Variants in GSE1 observed in about 807,000 individuals in gnomAD.
The protein encoded by GSE1 is Gse1 coiled-coil protein.
A neutral mutation model predicts 112.6 loss-of-function variants in GSE1; 32 were observed. The observed-to-expected ratio is 0.28, with a 90% CI of 0.21 to 0.38. The LOEUF is 0.38. Ranked by LOEUF, GSE1 falls within the 10% of genes least tolerant of loss-of-function variation. The probability of loss-of-function intolerance (pLI) is 1.00; values close to 1 mark genes in which losing one functional copy is unlikely to be tolerated. For synonymous variants in GSE1, 1,115 were observed against 735.6 expected, an observed-to-expected ratio of 1.52 and a Z score of -8.35; for missense variants, 2,348 against 1,699.2, an observed-to-expected ratio of 1.38 and a Z score of -6.71.
upstream of GSE1, among the ~76,000 whole-genome samples, chr16:85,610,322 G>A (rs1670128993): frequency 6.6e-6 from 1 of 152,234 alleles, no homozygotes; most frequent in Admixed American, 6.5e-5. Flanking sequence ...GTGGGAAGGA[G>A]GTCCAGGGAA....
chr16:85,660,824 G>T (rs1475859605), intron 8 of GSE1, among the ~76,000 whole-genome samples: 1 of 152,046 alleles, frequency 6.6e-6, no homozygotes, highest in African/African-American at 2.4e-5. Flanking sequence ...TAGAGATGGG[G>T]TTTCACCATG....
At position 85,654,334 on chromosome 16, in the gene GSE1, G is replaced by A. The variant is rs754377675; in HGVS notation, c.483G>A (p.Pro161=). 2.0e-5 allele frequency: 32 copies of A among 1,611,774 alleles called. No homozygotes were observed. Among genetic ancestry groups the A allele is most frequent in the East Asian group, 2.2e-5 (1 of 44,840 alleles). ...GGRERLIVEP[P]LPQEKAGGPA... ...GGGAACGCCTCATTGTGGAGCCCCC[G>A]CTCCCTCAGGAGAAGGCAGGGGGAC... Residue 161 remains proline (P), a synonymous_variant, in exon 4 of 16, where the codon CCG becomes CCA. Coordinates refer to ENST00000253458, the MANE Select transcript of GSE1 (RefSeq NM_014615.5).
chr16:85,266,899 C>G (rs1042966093), intron 1 of GSE1, among the ~76,000 whole-genome samples: 2 of 152,124 alleles, frequency 1.3e-5, no homozygotes, highest in Admixed American at 6.5e-5. Flanking sequence ...GTGCTCCTGC[C>G]CTCTCCCCCT....
chr16:85,299,529 G>A (rs1387642119), intron 1 of GSE1, among the ~76,000 whole-genome samples: 1 of 152,224 alleles, frequency 6.6e-6, no homozygotes, highest in Non-Finnish European at 1.5e-5. Flanking sequence ...GGCCTCCAGT[G>A]AACTTGTTCT....
rs113687671 is a variant in GSE1 at position 85,216,535 on chromosome 16, T to C, written c.2283+44728T>C. On this transcript the variant is annotated intron_variant, in intron 1 of 2. Transcript: ENST00000637419. ...GTAGTCATAAGAAATAGAAAAACTT[T>C]AGCTTACCACACGTGTCAGGAACAC... Among the ~76,000 whole-genome samples the C allele has an allele frequency of 6.4e-3, 980 of 152,344 alleles. 5 individuals are homozygous for C. The highest frequency in any genetic ancestry group is 0.022 in the African/African-American group (921 of 41,576).
intron 2 of GSE1, among the ~76,000 whole-genome samples, chr16:85,422,734 G>C (rs1477144219): frequency 6.6e-6 from 1 of 152,152 alleles, no homozygotes; most frequent in Non-Finnish European, 1.5e-5. Context: ...TTGGGGACTT[G>C]GGAGGCCGGA....
At chr16:85,602,188 G>A (rs999608990) in intron 1 of GSE1, among the ~76,000 whole-genome samples, 35 of 152,144 alleles carry the variant, frequency 2.3e-4, no homozygotes, top group South Asian at 6.2e-4. Context: ...CAGGACTGCT[G>A]CCAGGGCCGG....
At chr16:85,573,482 G>T (rs926791570) in intron 1 of GSE1, among the ~76,000 whole-genome samples, 3 of 152,210 alleles carry the variant, frequency 2.0e-5, no homozygotes, top group Non-Finnish European at 4.4e-5. Context: ...GCATGTATCT[G>T]TAGTGGGACT....
At chr16:85,461,798 A>G (rs2049975896) in intron 2 of GSE1, among the ~76,000 whole-genome samples, 3 of 151,820 alleles carry the variant, frequency 2.0e-5, no homozygotes, top group Admixed American at 2.0e-4. Flanking sequence ...CAGCTCCCCT[A>G]TTCCATCCCC....
intron 1 of GSE1, among the ~76,000 whole-genome samples, chr16:85,269,798 C>T (rs1487141812): frequency 1.3e-5 from 2 of 149,228 alleles, no homozygotes; most frequent in East Asian, 3.9e-4. Context: ...TCCCCTGGGG[C>T]AGCACCAGGC....
At chr16:85,491,719 G>C (rs537583217) in intron 2 of GSE1, among the ~76,000 whole-genome samples, 2 of 151,434 alleles carry the variant, frequency 1.3e-5, no homozygotes, top group Admixed American at 6.5e-5. Context: ...CTGGTACCCC[G>C]AGTCCTCCTG....
Position 85,665,038 on chromosome 16 carries a change from C to G in GSE1, c.2668C>G (p.Leu890Val), listed in dbSNP as rs1056113854. The G allele has an allele frequency of 6.2e-7, 1 of 1,609,448 alleles. No homozygotes were observed. The highest frequency in any genetic ancestry group is 8.5e-7 in the Non-Finnish European group (1 of 1,175,996). The change falls in exon 12 of 16, where the codon CTC (leucine) becomes GTC (valine). Residue 890 changes from leucine (L) to valine (V), a missense_variant. By Grantham distance (32) the Leu-to-Val change is conservative (BLOSUM62 1). Transcript: ENST00000253458. ...AGACAAAGAGAGACTTGTTGAAATG[C>G]TCCGTGCCATGAAGCAGAAGGCACT... The part of the protein sequence containing the change: ...RKDKERLVEM[L>V]RAMKQKALSA...
chr16:85,613,340 G>A lies in GSE1; in HGVS notation c.-52G>A. ...GATAAGCAGTTTAGACAAACACTGG[G>A]CGACGGTGGCTCCAGCATGTATCAG... On this transcript the variant is annotated 5_prime_UTR_variant, in exon 1 of 16. Coordinates refer to ENST00000253458, the MANE Select transcript of GSE1 (RefSeq NM_014615.5). 6.4e-7 allele frequency: 1 copy of A among 1,560,692 alleles called. No homozygotes were observed.
chr16:85,281,803 C>T (rs899716160), intron 1 of GSE1, among the ~76,000 whole-genome samples: 1 of 152,090 alleles, frequency 6.6e-6, no homozygotes, highest in Non-Finnish European at 1.5e-5. Context: ...TGCTTCCAAG[C>T]TTATCATTGC....
At chr16:85,637,985 A>C (rs532673942) in intron 2 of GSE1, among the ~76,000 whole-genome samples, 1 of 152,142 alleles carries the variant, frequency 6.6e-6, no homozygotes, top group Non-Finnish European at 1.5e-5. Context: ...GAGGTGGCAG[A>C]GCTGGCGCAC....
intron 2 of GSE1, among the ~76,000 whole-genome samples, chr16:85,472,143 C>G (rs1297676459): frequency 6.6e-6 from 1 of 152,166 alleles, no homozygotes; most frequent in African/African-American, 2.4e-5. Flanking sequence ...TCAGACCATC[C>G]AAATGTCCCT....
intron 1 of GSE1, among the ~76,000 whole-genome samples, chr16:85,307,145 T>TGGGGG (rs2045701555): frequency 8.0e-6 from 1 of 125,316 alleles, no homozygotes. Context: ...ATAGTGGGGG[T>TGGGGG]GGGGTGGGGT....
chr16:85,463,736 C>T (rs1237769103), intron 2 of GSE1, among the ~76,000 whole-genome samples: 3 of 152,224 alleles, frequency 2.0e-5, no homozygotes, highest in Non-Finnish European at 4.4e-5. Context: ...AGTTAGGCAG[C>T]GAGAGGGTAA....
intron 1 of GSE1, among the ~76,000 whole-genome samples, chr16:85,352,233 A>C (rs1567706763): frequency 6.6e-6 from 1 of 152,180 alleles, no homozygotes; most frequent in South Asian, 2.1e-4. Flanking sequence ...AGAAAGCATA[A>C]CAATGCAGGA....
Sources: gnomAD v4.1 joint callset for allele counts (sites outside exome capture counted in the v4.1 genomes callset) on GRCh38, gnomAD v4.1.1 for gene constraint, MANE v1.5 for transcripts, NCBI Gene and HGNC (gene_info 2026-07-23, HGNC 2026-07-21) for gene names.